The following CENPP variants were observed in gnomAD, a reference collection of about 807,000 sequenced individuals.
CENPP encodes centromere protein P.
Under a neutral mutation model 35.6 loss-of-function variants are expected in CENPP, and 24 were observed. The observed-to-expected ratio is 0.67, with a 90% CI of 0.49 to 0.95. The LOEUF is 0.95. Ranked by LOEUF, CENPP falls within the 40% of genes least tolerant of loss-of-function variation. The probability of loss-of-function intolerance (pLI) is 0.00; values close to 1 mark genes in which losing one functional copy is unlikely to be tolerated. For missense variants in CENPP, 332 were observed against 345.3 expected (o/e 0.96, Z 0.31); for synonymous variants, 120 against 125.5 (o/e 0.96, Z 0.29).
intron 4 of CENPP, among the ~76,000 whole-genome samples, chr9:92,348,488 G>A (rs1189154977): frequency 1.3e-5 from 2 of 151,498 alleles, no homozygotes; most frequent in South Asian, 2.1e-4. Flanking sequence ...TGCCTCCCGG[G>A]TTCAAGTAAA....
At chr9:92,379,965 A>G in intron 5 of CENPP, 106 bp downstream of exon 5, 1 of 707,414 alleles carries the variant, frequency 1.4e-6, no homozygotes, top group African/African-American at 1.8e-5. Context: ...AAACAGTAGA[A>G]AATATTCTCA....
At chr9:92,483,895 T>C (rs1474739677) in intron 5 of CENPP, among the ~76,000 whole-genome samples, 2 of 152,218 alleles carry the variant, frequency 1.3e-5, no homozygotes, top group Non-Finnish European at 2.9e-5. Flanking sequence ...TCAGGCCCCA[T>C]CCTAGCCCTG....
chr9:92,591,473 C>T (rs1342495732), intron 5 of CENPP, among the ~76,000 whole-genome samples: 1 of 151,482 alleles, frequency 6.6e-6, no homozygotes, highest in Non-Finnish European at 1.5e-5. Flanking sequence ...CCAAACCATA[C>T]TTGTTGGAAG....
rs569185490 is a variant in CENPP, at chr9:92,518,882, GT to G, written c.565-92431del. On this transcript the variant is annotated intron_variant, in intron 5 of 7. Transcript: ENST00000375587. The stretch of plus-strand genomic sequence containing the variant: ...CCAGTCTGGATGACAGAGCAAGACT[GT>G]CCCTAAATAAATAAATAAACAAATA... Among the ~76,000 whole-genome samples the G allele has an allele frequency of 3.3e-3, 508 of 152,186 alleles. 1 individual carries two copies. The highest frequency in any genetic ancestry group is 0.011 in the African/African-American group (466 of 41,518).
chr9:92,365,219 T>TG (rs1841856360), intron 4 of CENPP, among the ~76,000 whole-genome samples: 1 of 151,978 alleles, frequency 6.6e-6, no homozygotes, highest in African/African-American at 2.4e-5. Context: ...TAAACAAGGA[T>TG]GGGCTGCACA....
intron 4 of CENPP, among the ~76,000 whole-genome samples, chr9:92,348,796 G>T (rs1841368488): frequency 6.6e-6 from 1 of 152,084 alleles, no homozygotes; most frequent in Admixed American, 6.6e-5. Flanking sequence ...AGATATTTTT[G>T]CTGGCCATAG....
chr9:92,452,924 T>A (rs974626059), intron 5 of CENPP, among the ~76,000 whole-genome samples: 5 of 152,138 alleles, frequency 3.3e-5, no homozygotes, highest in Non-Finnish European at 5.9e-5. Flanking sequence ...TAGTTTGTAT[T>A]TCTGTGGGAT....
At chr9:92,508,617 A>G (rs186083379) in intron 5 of CENPP, among the ~76,000 whole-genome samples, 2 of 152,272 alleles carry the variant, frequency 1.3e-5, no homozygotes, top group East Asian at 3.9e-4. Context: ...GAATTTTCTA[A>G]TGTCTTTCCC....
intron 5 of CENPP, among the ~76,000 whole-genome samples, chr9:92,595,417 T>G (rs1383938256): frequency 6.6e-6 from 1 of 151,842 alleles, no homozygotes; most frequent in East Asian, 1.9e-4. Flanking sequence ...AATTTTTTAT[T>G]TTTTGTGGAG....
intron 5 of CENPP, chr9:92,522,958 A>G: frequency 6.9e-7 from 1 of 1,446,808 alleles, no homozygotes; most frequent in East Asian, 2.4e-5. Flanking sequence ...ATTGGCTTAT[A>G]TATTTGCTTG....
intron 5 of CENPP, among the ~76,000 whole-genome samples, chr9:92,463,163 A>G: frequency 6.6e-6 from 1 of 152,202 alleles, no homozygotes; most frequent in East Asian, 1.9e-4. Flanking sequence ...TTCCCCACAT[A>G]ATATTATGCA....
At position 92,416,597 on chromosome 9, in the gene CENPP, AAC is replaced by A. The variant is rs747272962; in HGVS notation, c.564+36742_564+36743del. On this transcript the variant is annotated intron_variant, in intron 5 of 7. Transcript: ENST00000375587. Reference sequence around the variant, plus strand: ...AGGATTCCATTCTTTCTCTCTTCAAAACACAATAAAAGTCTACATACTTTCTA... The same window carrying A: ...AGGATTCCATTCTTTCTCTCTTCAAAACAATAAAAGTCTACATACTTTCTA... The A allele has an allele frequency of 2.9e-6, 4 of 1,381,210 alleles. No homozygotes were observed. In the South Asian group the frequency reaches 5.7e-5, roughly 20 times the overall value. 85.6% of individuals were successfully genotyped at this position (1,381,210 alleles called of 1,614,324 possible).
intron 5 of CENPP, among the ~76,000 whole-genome samples, chr9:92,580,013 G>C (rs771004618): frequency 0.039 from 5,729 of 147,484 alleles, 159 homozygotes; most frequent in South Asian, 0.094. Flanking sequence ...TAGCATGAAG[G>C]GTTGTTGAAT....
rs546032272 is a variant in CENPP at position 92,494,187 on chromosome 9, G to A, written c.564+114328G>A. 8.8e-5 allele frequency: 139 copies of A among 1,581,944 alleles called. 1 individual carries two copies. The South Asian group carries it at 1.1e-3, about 12-fold the overall frequency. Reference sequence around the variant, plus strand: ...AGAGTAAGAAATGAATGAATGAATCGTTTAGTATCTGTCTCTGTGTCATCC... The same window carrying A: ...AGAGTAAGAAATGAATGAATGAATCATTTAGTATCTGTCTCTGTGTCATCC... On this transcript the variant is annotated intron_variant, in intron 5 of 7. Coordinates refer to ENST00000375587, the MANE Select transcript of CENPP (RefSeq NM_001012267.3).
chr9:92,325,924 G>A (rs572148406), upstream of CENPP: 1 of 1,321,520 alleles, frequency 7.6e-7, no homozygotes, highest in Non-Finnish European at 1.1e-6. Context: ...CGCGCGCGAG[G>A]CTTGAAGCGC....
At chr9:92,545,927 G>A (rs191092848) in intron 5 of CENPP, among the ~76,000 whole-genome samples, 41 of 152,184 alleles carry the variant, frequency 2.7e-4, no homozygotes, top group Non-Finnish European at 5.6e-4. Context: ...CTAGCTAAGG[G>A]ATTGTGAATG....
intron 5 of CENPP, chr9:92,505,614 T>C: frequency 1.2e-6 from 2 of 1,611,310 alleles, no homozygotes; most frequent in South Asian, 2.2e-5. Flanking sequence ...TCTTCAAAGG[T>C]TTGAAAGCTA....
At chr9:92,544,709 T>C (rs1476351761) in intron 5 of CENPP, among the ~76,000 whole-genome samples, 1 of 127,826 alleles carries the variant, frequency 7.8e-6, no homozygotes, top group Non-Finnish European at 1.6e-5. Context: ...GTTATCACTA[T>C]AAATTTTTTT....
intron 5 of CENPP, chr9:92,494,255 C>A: frequency 9.6e-7 from 1 of 1,040,822 alleles, no homozygotes; most frequent in Non-Finnish European, 1.4e-6. Context: ...AGTTTGAGCC[C>A]CCTTTAATAC....
Sources: allele counts gnomAD v4.1 joint callset (sites outside exome capture counted in the v4.1 genomes callset), GRCh38; gene constraint gnomAD v4.1.1; transcripts MANE v1.5; gene names NCBI Gene and HGNC (gene_info 2026-07-23, HGNC 2026-07-21).